DMBT1: variants seen among roughly 807,000 people sequenced by gnomAD.
DMBT1 encodes the protein deleted in malignant brain tumors 1.
A neutral mutation model predicts 252.9 loss-of-function variants in DMBT1; 198 were observed. The observed-to-expected ratio is 0.78, with a 90% CI of 0.70 to 0.88. The LOEUF (loss-of-function observed/expected upper bound fraction) is 0.88, where lower values mean the gene tolerates loss of function less well. DMBT1 is among the 40% of genes least tolerant of loss of function. The probability of loss-of-function intolerance (pLI) is 0.00; values close to 1 mark genes in which losing one functional copy is unlikely to be tolerated. For synonymous variants in DMBT1, 990 were observed against 942.7 expected (o/e 1.05, Z -0.92); for missense variants, 2,432 against 2,404.7 (o/e 1.01, Z -0.24).
At chr10:122,578,205 T>C (rs2097729897) in intron 8 of DMBT1, among the ~76,000 whole-genome samples, 1 of 152,172 alleles carries the variant, frequency 6.6e-6, no homozygotes, top group Non-Finnish European at 1.5e-5. Context: ...GCAAGGTCAG[T>C]ACAGGCTTGA....
chr10:122,619,037 A>C (rs577406256), intron 41 of DMBT1, among the ~76,000 whole-genome samples: 77 of 152,312 alleles, frequency 5.1e-4, no homozygotes, highest in African/African-American at 1.7e-3. Flanking sequence ...CTGCCAAAAC[A>C]TCCAAGGGAG....
Position 122,570,190 on chromosome 10 carries a change from G to C in DMBT1, c.120G>C (p.Leu40Phe). 1 of 1,593,442 alleles carries C rather than the reference G, an allele frequency of 6.3e-7. No individual in the cohort carries two copies. Residue 40 changes from leucine to phenylalanine, a missense_variant, in exon 3 of 56, where the codon TTG (leucine) becomes TTC (phenylalanine). This residue lies in a region of DMBT1 where 1,264 missense variants were observed against 1,082.2 expected (regional missense o/e 1.17). Coordinates refer to ENST00000338354, the MANE Select transcript of DMBT1 (RefSeq NM_001377530.1). ...CACTGATTCCCTCGGAGGTGCCCTT[G>C]GATCCAACTGTAGCAGAAGGTAAGG... Reference protein sequence around the residue: ...YASLIPSEVPLDPTVAEGSPF... With the variant: ...YASLIPSEVPFDPTVAEGSPF...
At chr10:122,621,512 T>G in intron 44 of DMBT1, 132 bp downstream of exon 44, 1 of 1,457,610 alleles carries the variant, frequency 6.9e-7, no homozygotes, top group Non-Finnish European at 9.2e-7. Context: ...TTGTTAGCTC[T>G]CTGCTAAGAA....
chr10:122,632,783 C>T (rs1293567048), intron 50 of DMBT1, 78 bp from the exon 51 acceptor site: 6 of 1,568,862 alleles, frequency 3.8e-6, no homozygotes, highest in Non-Finnish European at 4.3e-6. Flanking sequence ...GGCACAGCAT[C>T]TGCACAGCTC....
chr10:122,569,917 A>C (rs953118796), intron 2 of DMBT1, among the ~76,000 whole-genome samples: 2 of 152,166 alleles, frequency 1.3e-5, no homozygotes, highest in Admixed American at 1.3e-4. Context: ...GATTTTTTGA[A>C]TACAGGTCGT....
chr10:122,623,378 T>G (rs769386399), intron 44 of DMBT1, among the ~76,000 whole-genome samples: 14 of 152,238 alleles, frequency 9.2e-5, no homozygotes, highest in Non-Finnish European at 1.6e-4. Flanking sequence ...AGTGTACGGT[T>G]TTTTGTTTGC....
At chr10:122,575,576 G>C (rs956563466) in intron 6 of DMBT1, among the ~76,000 whole-genome samples, 18 of 152,172 alleles carry the variant, frequency 1.2e-4, no homozygotes, top group Admixed American at 1.0e-3. Context: ...CAAAAGCAGA[G>C]ACTACCACTA....
At chr10:122,585,154 T>A in intron 14 of DMBT1, 117 bp from the exon 15 acceptor site, 2 of 1,333,468 alleles carry the variant, frequency 1.5e-6, no homozygotes, top group Non-Finnish European at 2.1e-6. Flanking sequence ...GGGAGCAAAG[T>A]GGCAGGAATC....
At chr10:122,638,629 G>A (rs530926053) in intron 54 of DMBT1, among the ~76,000 whole-genome samples, 1 of 152,174 alleles carries the variant, frequency 6.6e-6, no homozygotes, top group Admixed American at 6.5e-5. Context: ...TTTTTTTGTA[G>A]AGGTGGGATC....
rs776727129 is a variant in DMBT1, at chr10:122,633,154, TG to T, written c.6398-32del. 7 of 1,611,416 alleles carry T rather than the reference TG, an allele frequency of 4.3e-6. No homozygotes were observed. In the African/African-American group the frequency reaches 6.7e-5, roughly 15 times the overall value. ...CGCAGGTAGACTGTGCAGTGTGCTCTGGGGGTCACCGACATTCCCACTTTTT... is the reference window on the plus strand; with the variant it reads ...CGCAGGTAGACTGTGCAGTGTGCTCTGGGGTCACCGACATTCCCACTTTTT... On this transcript the variant is annotated intron_variant, in intron 51 of 55. Coordinates refer to ENST00000338354, the MANE Select transcript of DMBT1 (RefSeq NM_001377530.1).
intron 26 of DMBT1, among the ~76,000 whole-genome samples, chr10:122,599,456 C>T (rs1192466201): frequency 1.3e-5 from 2 of 152,208 alleles, no homozygotes; most frequent in Non-Finnish European, 2.9e-5. Flanking sequence ...GGGATCCTCT[C>T]ACTGTGAGGA....
intron 54 of DMBT1, among the ~76,000 whole-genome samples, chr10:122,639,805 G>C (rs1450627712): frequency 6.6e-6 from 1 of 152,204 alleles, no homozygotes; most frequent in Non-Finnish European, 1.5e-5. Context: ...AGGTGGACAA[G>C]GTAGAACCCC....
Position 122,631,173 on chromosome 10 carries a change from G to T in DMBT1, c.6238G>T (p.Asp2080Tyr), listed in dbSNP as rs2098162090. The change falls in exon 49 of 56, where the codon GAC (aspartate) becomes TAC (tyrosine). Residue 2080 changes from aspartate to tyrosine, a missense_variant. Asp to Tyr is a radical substitution (Grantham distance 160). Transcript: ENST00000338354. ...FGSGSGPITL[D>Y]DVECSGTEST... ...CTCTGGCTCTGGCCCCATCACCCTG[G>T]ACGATGTAGAGTGCTCAGGGACGGA... 1 of 1,613,920 alleles carries T rather than the reference G, an allele frequency of 6.2e-7. No homozygotes were observed. Among genetic ancestry groups the T allele is most frequent in the African/African-American group, 1.3e-5 (1 of 74,936 alleles).
rs372773993 is a variant in DMBT1 at position 122,598,924 on chromosome 10, G to T, written c.3107G>T (p.Cys1036Phe). The T allele has an allele frequency of 1.2e-5, 20 of 1,613,726 alleles. No homozygotes were observed. The highest frequency in any genetic ancestry group is 1.7e-5 in the Non-Finnish European group (20 of 1,179,772). The change falls in exon 26 of 56, where the codon TGT (cysteine) becomes TTT (phenylalanine). Residue 1036 changes from cysteine (C) to phenylalanine (F), a missense_variant. This residue lies in a region of DMBT1 where 1,264 missense variants were observed against 1,082.2 expected (regional missense o/e 1.17). Transcript: ENST00000338354. ...DANVVCRQLGCGWAMSAPGNA... is the reference protein window; with the variant it reads ...DANVVCRQLGFGWAMSAPGNA... ...AATGTCGTCTGCAGGCAACTGGGCT[G>T]TGGCTGGGCCATGTCAGCCCCAGGA... is the stretch of plus-strand genomic sequence containing the variant.
rs148720177 is a variant in DMBT1 at position 122,633,351 on chromosome 10, C to A, written c.6548+10C>A. ...TCTTCAGAGATGTCCAGTAAGTGTG[C>A]GCCCAGAAGAATGCCTTGGGGCCCC... On this transcript the variant is annotated intron_variant, in intron 52 of 55. Coordinates refer to ENST00000338354, the MANE Select transcript of DMBT1 (RefSeq NM_001377530.1). The A allele has an allele frequency of 6.2e-7, 1 of 1,611,472 alleles. No homozygotes were observed. The highest frequency in any genetic ancestry group is 1.1e-5 in the South Asian group (1 of 90,928).
rs1014613149 is a variant in DMBT1, at chr10:122,589,247, A to T, written c.2087A>T (p.Asp696Val). 6.3e-7 allele frequency: 1 copy of T among 1,588,444 alleles called. No homozygotes were observed. Residue 696 changes from aspartate (D) to valine (V), a missense_variant, in exon 17 of 56, where the codon GAT becomes GTT. Asp to Val is a radical substitution (Grantham distance 152). Coordinates refer to ENST00000338354, the MANE Select transcript of DMBT1 (RefSeq NM_001377530.1). ...TCCCACAACTGTGGCCATCATGAAGATGCTGGTGTCATCTGCTCAGGTGGG... is the reference window on the plus strand; with the variant it reads ...TCCCACAACTGTGGCCATCATGAAGTTGCTGGTGTCATCTGCTCAGGTGGG... ...WLSHNCGHHE[D>V]AGVICSAAQS...
At chr10:122,571,067 A>G in intron 4 of DMBT1, 130 bp downstream of exon 4, 2 of 1,138,562 alleles carry the variant, frequency 1.8e-6, no homozygotes, top group South Asian at 1.3e-5. Context: ...GGTAGTGTGG[A>G]TATCACCTTG....
chr10:122,637,604 C>G (rs2098237546), intron 54 of DMBT1, among the ~76,000 whole-genome samples: 1 of 152,178 alleles, frequency 6.6e-6, no homozygotes, highest in Non-Finnish European at 1.5e-5. Context: ...TGGAGCAGCT[C>G]CAGATTTTGC....
intron 6 of DMBT1, among the ~76,000 whole-genome samples, chr10:122,574,775 T>C (rs1035456704): frequency 6.6e-6 from 1 of 152,190 alleles, no homozygotes; most frequent in African/African-American, 2.4e-5. Context: ...GTATAACTGG[T>C]CCAGCCAGGG....
Sources: allele counts gnomAD v4.1 joint callset (sites outside exome capture counted in the v4.1 genomes callset), GRCh38; gene constraint gnomAD v4.1.1; regional missense constraint gnomAD v4.1.1; transcripts MANE v1.5; gene names NCBI Gene and HGNC (gene_info 2026-07-23, HGNC 2026-07-21).